Variants in GALNTL6 observed in about 807,000 individuals in gnomAD.
GALNTL6 encodes polypeptide N-acetylgalactosaminyltransferase like 6.
In GALNTL6, 46 loss-of-function variants were observed where a neutral mutation model predicts 73.7. The ratio of observed to expected loss-of-function variants is 0.62; its 90% CI spans 0.49 to 0.80. The LOEUF (loss-of-function observed/expected upper bound fraction) is 0.80, where lower values mean the gene tolerates loss of function less well. Ranked by LOEUF, GALNTL6 falls within the 30% of genes least tolerant of loss-of-function variation. The pLI is 0.00. For missense variants in GALNTL6, 604 were observed against 755.0 expected, an observed-to-expected ratio of 0.80 and a Z score of 2.34; for synonymous variants, 259 against 263.7, an observed-to-expected ratio of 0.98 and a Z score of 0.17.
chr4:172,556,996 C>G (rs976969439), intron 5 of GALNTL6, among the ~76,000 whole-genome samples: 1 of 152,154 alleles, frequency 6.6e-6, no homozygotes, highest in South Asian at 2.1e-4. Flanking sequence ...AATATTTATC[C>G]AGCATGCATT....
intron 9 of GALNTL6, among the ~76,000 whole-genome samples, chr4:172,941,676 C>T (rs537362585): frequency 1.9e-4 from 29 of 152,242 alleles, no homozygotes; most frequent in African/African-American, 6.0e-4. Context: ...ATGCTGGCTC[C>T]GACAAAGAAG....
intron 5 of GALNTL6, among the ~76,000 whole-genome samples, chr4:172,409,793 CA>C (rs1744367853): frequency 1.3e-5 from 2 of 151,926 alleles, no homozygotes; most frequent in African/African-American, 4.8e-5. Context: ...CTGCAGGCAT[CA>C]ACATCCTTTG....
chr4:172,570,121 G>A (rs932807775), intron 5 of GALNTL6, among the ~76,000 whole-genome samples: 10 of 152,170 alleles, frequency 6.6e-5, no homozygotes, highest in Non-Finnish European at 1.5e-4. Flanking sequence ...GAATACATGG[G>A]AGCTGAGGCA....
chr4:172,220,935 CAT>C (rs1736650732), intron 2 of GALNTL6, among the ~76,000 whole-genome samples: 2 of 151,802 alleles, frequency 1.3e-5, no homozygotes, highest in African/African-American at 2.4e-5. Context: ...TCAAATTAAA[CAT>C]ATTTATATAG....
intron 5 of GALNTL6, among the ~76,000 whole-genome samples, chr4:172,628,362 A>G (rs1351393424): frequency 6.6e-6 from 1 of 152,178 alleles, no homozygotes; most frequent in Non-Finnish European, 1.5e-5. Context: ...AATCAGTCAC[A>G]ATCTCAAGTC....
chr4:172,748,978 T>G (rs1737272630), intron 5 of GALNTL6, among the ~76,000 whole-genome samples: 1 of 152,034 alleles, frequency 6.6e-6, no homozygotes, highest in Non-Finnish European at 1.5e-5. Flanking sequence ...GGCATGATCT[T>G]GGCTCACTGC....
intron 5 of GALNTL6, chr4:172,379,898 A>G: frequency 1.9e-6 from 1 of 523,718 alleles, no homozygotes; most frequent in Non-Finnish European, 3.5e-6. Context: ...GCATTTAATC[A>G]CCAAAGGACT....
intron 2 of GALNTL6, among the ~76,000 whole-genome samples, chr4:172,085,235 G>T (rs557919088): frequency 6.6e-6 from 1 of 152,116 alleles, no homozygotes; most frequent in Non-Finnish European, 1.5e-5. Context: ...ACATAAGTTT[G>T]GAAAGACAGA....
intron 5 of GALNTL6, among the ~76,000 whole-genome samples, chr4:172,619,013 C>T (rs1738851907): frequency 6.6e-6 from 1 of 152,158 alleles, no homozygotes; most frequent in Admixed American, 6.5e-5. Flanking sequence ...TGAGCCACAG[C>T]ACCCGACCAA....
chr4:172,918,847 G>C (rs376419699), intron 8 of GALNTL6, among the ~76,000 whole-genome samples: 1 of 152,138 alleles, frequency 6.6e-6, no homozygotes, highest in Non-Finnish European at 1.5e-5. Context: ...ACTGAAGCTC[G>C]GTTCACTGTG....
At chr4:172,692,302 G>A (rs1733359015) in intron 5 of GALNTL6, among the ~76,000 whole-genome samples, 1 of 151,796 alleles carries the variant, frequency 6.6e-6, no homozygotes, top group African/African-American at 2.4e-5. Context: ...AACTATCTCT[G>A]CAATTAAATA....
intron 2 of GALNTL6, among the ~76,000 whole-genome samples, chr4:172,168,791 A>G (rs989120060): frequency 5.9e-5 from 9 of 152,360 alleles, no homozygotes; most frequent in Admixed American, 1.3e-4. Flanking sequence ...AAAGAGACAT[A>G]TCAGCTGCAT....
chr4:172,015,386 A>G (rs1741155174), intron 2 of GALNTL6, among the ~76,000 whole-genome samples: 1 of 151,918 alleles, frequency 6.6e-6, no homozygotes. Context: ...TTTGGTTTCC[A>G]TTTATGTGTA....
intron 5 of GALNTL6, among the ~76,000 whole-genome samples, chr4:172,433,365 C>A (rs933392628): frequency 6.6e-6 from 1 of 152,046 alleles, no homozygotes. Flanking sequence ...CTCAGCCCCC[C>A]GCCTGCTCCC....
At chr4:172,369,749 G>C (rs1175504009) in intron 5 of GALNTL6, among the ~76,000 whole-genome samples, 2 of 152,180 alleles carry the variant, frequency 1.3e-5, no homozygotes, top group African/African-American at 4.8e-5. Flanking sequence ...CGGTGGTACA[G>C]GCTGGCCACT....
In GALNTL6 at chr4:172,269,753, AT is replaced by A. The variant is rs541336344; in HGVS notation, c.247+39998del. The stretch of plus-strand genomic sequence containing the variant: ...CTCTCTCTCTCTCTTTAATTTTTTT[AT>A]TTTTTTTTATTTTTTGAGACAGAGT... On this transcript the variant is annotated intron_variant, in intron 3 of 12. Transcript: ENST00000506823. 6.7e-5 allele frequency among the ~76,000 whole-genome samples: 10 copies of A among 149,570 alleles called. No individual in the cohort carries two copies. The East Asian group carries it at 7.9e-4, about 12-fold the overall frequency.
At chr4:172,067,140 C>T (rs1731388913) in intron 2 of GALNTL6, among the ~76,000 whole-genome samples, 2 of 151,868 alleles carry the variant, frequency 1.3e-5, no homozygotes, top group South Asian at 4.1e-4. Context: ...ACTTGATCAA[C>T]TAGATCATAC....
intron 5 of GALNTL6, among the ~76,000 whole-genome samples, chr4:172,726,202 C>T (rs1325617581): frequency 1.3e-5 from 2 of 152,152 alleles, no homozygotes; most frequent in Non-Finnish European, 2.9e-5. Flanking sequence ...AGGCTCTCGC[C>T]ATTTATTCAG....
chr4:172,250,613 C>T (rs1049409051), intron 3 of GALNTL6, among the ~76,000 whole-genome samples: 1 of 152,110 alleles, frequency 6.6e-6, no homozygotes, highest in Admixed American at 6.6e-5. Flanking sequence ...TGTCATTCTT[C>T]TCTCTCCTTG....
Sources: allele counts gnomAD v4.1 joint callset (sites outside exome capture counted in the v4.1 genomes callset), GRCh38; gene constraint gnomAD v4.1.1; transcripts MANE v1.5; gene names NCBI Gene and HGNC (gene_info 2026-07-23, HGNC 2026-07-21).